The following TRMT11 variants were observed in gnomAD, a reference collection of about 807,000 sequenced individuals.
TRMT11 encodes the protein tRNA methyltransferase 11.
In TRMT11, 53 loss-of-function variants were observed where a neutral mutation model predicts 62.8. The observed-to-expected ratio is 0.84, with a 90% CI of 0.68 to 1.06. The LOEUF is 1.06. Ranked by LOEUF, TRMT11 falls within the 50% of genes least tolerant of loss-of-function variation. The probability of loss-of-function intolerance (pLI) is 0.00; values close to 1 mark genes in which losing one functional copy is unlikely to be tolerated. For missense variants in TRMT11, 556 were observed against 553.4 expected (o/e 1.00, Z -0.05); for synonymous variants, 188 against 190.3 (o/e 0.99, Z 0.10).
chr6:126,246,452 G>C, the TRMT11 span, among the ~76,000 whole-genome samples: 2 of 152,190 alleles, frequency 1.3e-5, no homozygotes, highest in Non-Finnish European at 2.9e-5. Flanking sequence ...AAAACATAGT[G>C]TGAATGATAA....
chr6:126,181,091 A>T (rs1473499223), intron 1 of TRMT11, among the ~76,000 whole-genome samples: 1 of 152,188 alleles, frequency 6.6e-6, no homozygotes, highest in Non-Finnish European at 1.5e-5. Context: ...TATTTTAGTG[A>T]TTACTTCTGG....
intron 17 of TRMT11, among the ~76,000 whole-genome samples, chr6:126,085,932 C>T (rs1777212437): frequency 6.6e-6 from 1 of 152,126 alleles, no homozygotes; most frequent in African/African-American, 2.4e-5. Context: ...CTGTAACTTC[C>T]TCTCAACCTA....
Position 126,011,443 on chromosome 6 carries a change from G to A in TRMT11, c.925+26G>A, listed in dbSNP as rs763363220. The A allele has an allele frequency of 9.5e-6, 15 of 1,586,232 alleles. No homozygotes were observed. The African/African-American group carries it at 2.0e-4, about 21-fold the overall frequency. ...GTAAGTTTATTTTTATACAAAAGTAGGAGTAGGATTCGTTTTGTAAAATCA... is the reference window on the plus strand; with the variant it reads ...GTAAGTTTATTTTTATACAAAAGTAAGAGTAGGATTCGTTTTGTAAAATCA... On this transcript the variant is annotated intron_variant, in intron 9 of 12. Transcript: ENST00000334379.
At chr6:126,184,596 C>T (rs1312768955) in intron 1 of TRMT11, among the ~76,000 whole-genome samples, 1 of 152,142 alleles carries the variant, frequency 6.6e-6, no homozygotes, top group Non-Finnish European at 1.5e-5. Context: ...CCCTTGATGG[C>T]AATAACTTGC....
the TRMT11 span, among the ~76,000 whole-genome samples, chr6:126,219,487 C>G: frequency 6.6e-6 from 1 of 152,320 alleles, no homozygotes; most frequent in African/African-American, 2.4e-5. Context: ...GATTTAAGGT[C>G]TTACATACCA....
chr6:126,026,716 A>G (rs759431550), intron 12 of TRMT11, among the ~76,000 whole-genome samples: 1 of 151,366 alleles, frequency 6.6e-6, no homozygotes, highest in Non-Finnish European at 1.5e-5. Flanking sequence ...GTGACATATT[A>G]CTAGTTTTTT....
chr6:126,096,915 CA>C (rs1638297075), intron 17 of TRMT11, among the ~76,000 whole-genome samples: 1 of 152,034 alleles, frequency 6.6e-6, no homozygotes, highest in Non-Finnish European at 1.5e-5. Flanking sequence ...TGAGAAGGAC[CA>C]AAATTTGGAG....
At chr6:126,117,063 C>A (rs574514337) in intron 21 of TRMT11, among the ~76,000 whole-genome samples, 29 of 152,150 alleles carry the variant, frequency 1.9e-4, no homozygotes, top group African/African-American at 6.7e-4. Flanking sequence ...CTATGGTCCA[C>A]GATTCAAATT....
chr6:126,062,224 C>A (rs1266957751), intron 17 of TRMT11, among the ~76,000 whole-genome samples: 1 of 152,172 alleles, frequency 6.6e-6, no homozygotes, highest in African/African-American at 2.4e-5. Context: ...CAACCAGGAT[C>A]TCTTTCTGTT....
At chr6:126,079,478 A>G (rs748222629) in intron 17 of TRMT11, among the ~76,000 whole-genome samples, 3 of 152,196 alleles carry the variant, frequency 2.0e-5, no homozygotes, top group African/African-American at 7.2e-5. Context: ...ATTCCCGACT[A>G]CATTCCTCTA....
rs146791605 is a variant in TRMT11 at position 126,025,007 on chromosome 6, T to G, written c.1260+3727T>G. On this transcript the variant is annotated intron_variant, in intron 12 of 12. Coordinates refer to ENST00000334379, the MANE Select transcript of TRMT11 (RefSeq NM_001031712.3). ...ATTTTGCAGTTTTAAGTCGTGATATTAGAAAGTAAAGTAAATGGCATTAGC... is the reference window on the plus strand; with the variant it reads ...ATTTTGCAGTTTTAAGTCGTGATATGAGAAAGTAAAGTAAATGGCATTAGC... 2.0e-4 allele frequency among the ~76,000 whole-genome samples: 30 copies of G among 152,318 alleles called. 1 individual carries two copies. In the East Asian group the frequency reaches 5.6e-3, roughly 28 times the overall value.
At chr6:126,163,579 G>C (rs904028524) in intron 21 of TRMT11, among the ~76,000 whole-genome samples, 1 of 152,136 alleles carries the variant, frequency 6.6e-6, no homozygotes, top group African/African-American at 2.4e-5. Context: ...AAATGATTTA[G>C]GGAGGAGTCC....
rs149623448 is a variant in TRMT11, at chr6:126,047,515, A to G, written c.*1370-5608A>G. On this transcript the variant is annotated intron_variant and NMD_transcript_variant, in intron 16 of 22. Transcript: ENST00000648977. ...CTCTACCACTCAGTTAAAGCCCCGT[A>G]TTCACCATCCTTCAAGTTTGTGTGT... Among the ~76,000 whole-genome samples the G allele has an allele frequency of 4.2e-3, 633 of 152,028 alleles. 10 individuals are homozygous for G. The highest frequency in any genetic ancestry group is 4.5e-3 in the Non-Finnish European group (304 of 67,980).
chr6:126,160,850 C>G (rs1195072080), intron 21 of TRMT11, among the ~76,000 whole-genome samples: 1 of 152,090 alleles, frequency 6.6e-6, no homozygotes, highest in African/African-American at 2.4e-5. Flanking sequence ...TTAGGTGAAG[C>G]TAACAAATGA....
chr6:126,121,646 G>T (rs972441377), intron 21 of TRMT11, among the ~76,000 whole-genome samples: 1 of 152,068 alleles, frequency 6.6e-6, no homozygotes, highest in Non-Finnish European at 1.5e-5. Flanking sequence ...TGTTGTGAGG[G>T]TTATATAAAA....
chr6:126,148,571 A>G (rs1368781709), intron 21 of TRMT11, among the ~76,000 whole-genome samples: 1 of 152,174 alleles, frequency 6.6e-6, no homozygotes, highest in African/African-American at 2.4e-5. Flanking sequence ...GATCTGGGGT[A>G]AGTTATTTAA....
In TRMT11 at chr6:126,179,016, G is replaced by A. The variant is rs1778425515; in HGVS notation, n.143+1681G>A. Among the ~76,000 whole-genome samples, 3 of 152,040 alleles carry A rather than the reference G, an allele frequency of 2.0e-5. No homozygotes were observed. The South Asian group carries it at 6.2e-4, about 32-fold the overall frequency. On this transcript the variant is annotated intron_variant and non_coding_transcript_variant, in intron 1 of 3. Transcript: ENST00000444229. ...GATATCTGAAATTGGGAAGTGATTG[G>A]AGGAATCTAATTTTTCCTTAAACAA... is the stretch of plus-strand genomic sequence containing the variant.
At chr6:126,128,523 G>A (rs2128204682) in intron 21 of TRMT11, among the ~76,000 whole-genome samples, 1 of 152,092 alleles carries the variant, frequency 6.6e-6, no homozygotes, top group East Asian at 1.9e-4. Context: ...TTTCTCCCAT[G>A]TCCTTGGACC....
chr6:126,169,517 A>G (rs1778306704), intron 21 of TRMT11, among the ~76,000 whole-genome samples: 1 of 152,214 alleles, frequency 6.6e-6, no homozygotes, highest in South Asian at 2.1e-4. Context: ...CCTCCTGAAG[A>G]TGATTCCTCT....
Sources: gnomAD v4.1 joint callset for allele counts (sites outside exome capture counted in the v4.1 genomes callset) on GRCh38, gnomAD v4.1.1 for gene constraint, MANE v1.5 for transcripts, NCBI Gene and HGNC (gene_info 2026-07-23, HGNC 2026-07-21) for gene names.